The following SETD2 variants were observed in gnomAD, a reference collection of about 807,000 sequenced individuals.
The protein encoded by SETD2 is SET domain containing 2, histone lysine methyltransferase, also known as histone-lysine N-methyltransferase SETD2.
In SETD2, 31 loss-of-function variants were observed where a neutral mutation model predicts 242.1. The ratio of observed to expected loss-of-function variants is 0.13; its 90% CI spans 0.10 to 0.17. SETD2 has a LOEUF of 0.17. Ranked by LOEUF, SETD2 falls within the 10% of genes least tolerant of loss-of-function variation. The pLI, the probability that SETD2 is intolerant of heterozygous loss-of-function variation, is 1.00. For synonymous variants in SETD2, 1,006 were observed against 1,066.5 expected, an observed-to-expected ratio of 0.94 and a Z score of 1.11; for missense variants, 2,481 against 3,046.3, an observed-to-expected ratio of 0.81 and a Z score of 4.37.
chr3:47,092,516 T>C (rs969426991), intron 9 of SETD2, among the ~76,000 whole-genome samples: 7 of 148,820 alleles, frequency 4.7e-5, no homozygotes, highest in Admixed American at 2.0e-4. Flanking sequence ...ATATTAAATA[T>C]ATATTTATAC....
At chr3:47,075,833 T>C (rs1223824391) in intron 12 of SETD2, among the ~76,000 whole-genome samples, 3 of 152,206 alleles carry the variant, frequency 2.0e-5, no homozygotes, top group East Asian at 3.8e-4. Flanking sequence ...AAGATAACAA[T>C]GTGCTTATGA....
chr3:47,039,217 T>G (rs1453620263), intron 17 of SETD2, among the ~76,000 whole-genome samples: 1 of 152,014 alleles, frequency 6.6e-6, no homozygotes, highest in Non-Finnish European at 1.5e-5. Flanking sequence ...TACAAACTTT[T>G]TTTTTTTTTT....
At chr3:47,080,700 T>G (rs1037102849) in intron 12 of SETD2, 1 of 623,732 alleles carries the variant, frequency 1.6e-6, no homozygotes, top group Non-Finnish European at 2.0e-6. Context: ...ATGTGCTAGG[T>G]GATGTTTCTG....
At chr3:47,083,161 A>C (rs139228361) in intron 12 of SETD2, among the ~76,000 whole-genome samples, 2 of 152,240 alleles carry the variant, frequency 1.3e-5, no homozygotes, top group East Asian at 3.8e-4. Context: ...TGTAATAGGC[A>C]TAAGAGTTCC....
intron 7 of SETD2, 100 bp downstream of exon 7, chr3:47,103,246 C>A: frequency 1.3e-6 from 1 of 741,234 alleles, no homozygotes; most frequent in Non-Finnish European, 2.4e-6. Context: ...GAAAAAGGGA[C>A]TAAAAAATTC....
intron 19 of SETD2, among the ~76,000 whole-genome samples, chr3:47,019,488 TACAG>T (rs753435566): frequency 2.1e-4 from 32 of 152,274 alleles, no homozygotes; most frequent in African/African-American, 6.5e-4. Flanking sequence ...AGCCTACCAC[TACAG>T]ACAGCTTTCT....
rs1003290889 is a variant in SETD2 at position 47,046,342 on chromosome 3, A to T, written c.7098+145T>A. The T allele has an allele frequency of 7.1e-5, 48 of 675,132 alleles. 1 individual carries two copies. The highest frequency in any genetic ancestry group is 3.6e-4 in the East Asian group (11 of 30,404). 41.8% of individuals were successfully genotyped at this position (675,132 alleles called of 1,614,324 possible). ...ACAGAGCGAGACTCTGTCTCAAAAA[A>T]AAAATAAAATAAAATAAAATAAAAC... On this transcript the variant is annotated intron_variant, in intron 16 of 20. Transcript: ENST00000409792.
At position 47,123,935 on chromosome 3, in the gene SETD2, G is replaced by T. The variant is rs1328781978; in HGVS notation, c.701C>A (p.Ala234Glu). 1.3e-6 allele frequency: 2 copies of T among 1,551,796 alleles called. 1 individual carries two copies. Among genetic ancestry groups the T allele is most frequent in the South Asian group, 2.4e-5 (2 of 84,054 alleles). ...AAPVPLPVDV[A>E]VRSLKEPPII... ...TGGTGGTTCTTTCAGAGATCTAACT[G>T]CTACATCTACTGGTAAGGGTACTGG... Residue 234 changes from alanine (A) to glutamate (E), a missense_variant, in exon 3 of 21, where the codon GCA becomes GAA. Physicochemically the swap from Ala to Glu is moderately radical, Grantham distance 107. Around this residue, in one of 17 missense-constraint regions of SETD2, gnomAD observed 334 missense variants for 374.5 expected, o/e 0.89. Transcript: ENST00000409792.
At chr3:47,089,667 T>G (rs1575754996) in intron 9 of SETD2, among the ~76,000 whole-genome samples, 1 of 152,328 alleles carries the variant, frequency 6.6e-6, no homozygotes, top group South Asian at 2.1e-4. Context: ...GACATAAAGA[T>G]TCTTTCAAAG....
chr3:47,144,329 A>C (rs2043802989), intron 1 of SETD2, among the ~76,000 whole-genome samples: 1 of 151,776 alleles, frequency 6.6e-6, no homozygotes, highest in South Asian at 2.1e-4. Context: ...CCCTGTCTCT[A>C]AAAAAAATTA....
intron 17 of SETD2, among the ~76,000 whole-genome samples, chr3:47,041,026 T>C (rs1387817351): frequency 6.6e-6 from 1 of 152,186 alleles, no homozygotes; most frequent in African/African-American, 2.4e-5. Context: ...GTAGTAAGAT[T>C]AGTGTCCCTA....
In SETD2 at chr3:47,086,227, C is replaced by T. The variant is rs759310174; in HGVS notation, c.5365G>A (p.Gly1789Ser). The T allele has an allele frequency of 1.5e-5, 24 of 1,613,096 alleles. No individual in the cohort carries two copies. The highest frequency in any genetic ancestry group is 1.3e-4 in the East Asian group (6 of 44,862). The part of the protein sequence containing the change: ...LWIWMAELGD[G>S]RESNQKLQEE... ...TGAAGCTTCTGGTTACTTTCCCGGC[C>T]GTCACCTAGCTCTGCCATCCAGATC... The change falls in exon 11 of 21, where the codon GGC (glycine) becomes AGC (serine). Residue 1789 changes from glycine to serine, a missense_variant. Gly to Ser is a moderately conservative substitution (Grantham distance 56). Transcript: ENST00000409792.
At chr3:47,128,049 T>C (rs2043387188) in intron 1 of SETD2, among the ~76,000 whole-genome samples, 1 of 152,036 alleles carries the variant, frequency 6.6e-6, no homozygotes, top group Non-Finnish European at 1.5e-5. Context: ...AAAGTATCTA[T>C]AAACAGTTCA....
upstream of SETD2, chr3:47,164,535 G>C (rs1023248749): frequency 6.6e-6 from 1 of 152,156 alleles, no homozygotes; most frequent in African/African-American, 2.4e-5. This position sits in a 1 kb window ranked among gnomAD's most constrained non-coding sequence, Gnocchi z 5.4. Context: ...GGACCTGCCC[G>C]CCGGGAGCCC....
At chr3:47,037,838 AC>A in intron 17 of SETD2, 61 bp from the exon 18 acceptor site, 1 of 1,128,742 alleles carries the variant, frequency 8.9e-7, no homozygotes, top group Non-Finnish European at 1.4e-6. Context: ...CCTGACATAA[AC>A]ATCACTGCTC....
At chr3:47,109,737 G>A (rs962476842) in intron 5 of SETD2, among the ~76,000 whole-genome samples, 7 of 152,106 alleles carry the variant, frequency 4.6e-5, no homozygotes, top group Admixed American at 3.9e-4. Flanking sequence ...TGTAATTACA[G>A]CACTTTGGGA....
Position 47,124,437 on chromosome 3 carries a change from C to T in SETD2, c.199G>A (p.Glu67Lys), listed in dbSNP as rs2043244800. Residue 67 changes from glutamate to lysine, a missense_variant, in exon 3 of 21, where the codon GAA becomes AAA. By Grantham distance (56) the Glu-to-Lys change is moderately conservative. Around this residue, in one of 17 missense-constraint regions of SETD2, gnomAD observed 334 missense variants for 374.5 expected, o/e 0.89. Coordinates refer to ENST00000409792, the MANE Select transcript of SETD2 (RefSeq NM_014159.7). ...KGTKTKVNLE[E>K]QGRQKVSFSF... ...AATGACACCTTCTGTCGTCCCTGTT[C>T]TTCCAAATTAACTTTTGTTTTGGTG... 1 of 1,551,834 alleles carries T rather than the reference C, an allele frequency of 6.4e-7. No individual in the cohort carries two copies. The highest frequency in any genetic ancestry group is 8.7e-7 in the Non-Finnish European group (1 of 1,147,068).
intron 18 of SETD2, among the ~76,000 whole-genome samples, chr3:47,027,988 G>A (rs1273161029): frequency 6.6e-6 from 1 of 151,914 alleles, no homozygotes; most frequent in Non-Finnish European, 1.5e-5. Context: ...TAGAATTGGG[G>A]TTTCACTGTG....
chr3:47,115,679 G>A lies in SETD2; in HGVS notation c.4586+944C>T, dbSNP rs564760703. Among the ~76,000 whole-genome samples, 5 of 152,114 alleles carry A rather than the reference G, an allele frequency of 3.3e-5. No individual in the cohort carries two copies. The East Asian group carries it at 7.7e-4, about 23-fold the overall frequency. On this transcript the variant is annotated intron_variant, in intron 4 of 20. Transcript: ENST00000409792. ...AAAAATTTTTTTGAGACAACATCTC[G>A]CTCTGTCACCCAGGCTGGAGTATAG...
Sources: allele counts gnomAD v4.1 joint callset (sites outside exome capture counted in the v4.1 genomes callset), GRCh38; gene constraint gnomAD v4.1.1; regional missense constraint gnomAD v4.1.1; non-coding constraint Gnocchi (gnomAD v3.1); transcripts MANE v1.5; gene names NCBI Gene and HGNC (gene_info 2026-07-23, HGNC 2026-07-21).